ABCC5: variants seen among roughly 807,000 people sequenced by gnomAD.
ABCC5 encodes ATP binding cassette subfamily C member 5, also known as ATP-binding cassette sub-family C member 5.
ABCC5 carries 61 observed loss-of-function variants against 160.9 expected under a neutral mutation model. The ratio of observed to expected loss-of-function variants is 0.38; its 90% confidence interval spans 0.31 to 0.47. ABCC5 has a LOEUF of 0.47. Among genes scored for constraint, ABCC5 ranks in the 20% least tolerant of loss-of-function variants. The probability of loss-of-function intolerance (pLI) is 0.99; values close to 1 mark genes in which losing one functional copy is unlikely to be tolerated. For missense variants in ABCC5, 1,308 were observed against 1,813.3 expected, an observed-to-expected ratio of 0.72 and a Z score of 5.06; for synonymous variants, 666 against 700.6, an observed-to-expected ratio of 0.95 and a Z score of 0.78.
Position 183,925,564 on chromosome 3 carries a change from G to C in ABCC5, c.4203C>G (p.Ala1401=). The change falls in exon 29 of 30, where the codon GCC becomes GCG. Residue 1401 remains alanine, a synonymous_variant. Transcript: ENST00000334444. ...VLGSDRIMVL[A]QGQVVEFDTP... ...CTGAAGGACTCGGTACCTGTCCCTG[G>C]GCCAGCACCATAATCCTATCGGAGC... 1 of 1,613,646 alleles carries C rather than the reference G, an allele frequency of 6.2e-7. No homozygotes were observed. The highest frequency in any genetic ancestry group is 1.1e-5 in the South Asian group (1 of 91,042).
intron 25 of ABCC5, 91 bp from the exon 26 acceptor site, chr3:183,938,151 T>C (rs1713928919): frequency 7.7e-7 from 1 of 1,296,286 alleles, no homozygotes; most frequent in South Asian, 1.4e-5. Context: ...CCAACTATTT[T>C]TCCATTTCTA....
intron 12 of ABCC5, among the ~76,000 whole-genome samples, chr3:183,966,070 G>A (rs893012402): frequency 3.3e-5 from 5 of 152,186 alleles, no homozygotes; most frequent in African/African-American, 1.2e-4. Flanking sequence ...GTGTTCAGTT[G>A]CAATGGTTTG....
chr3:183,978,096 T>G (rs899188077), intron 9 of ABCC5, among the ~76,000 whole-genome samples: 5 of 152,148 alleles, frequency 3.3e-5, no homozygotes, highest in African/African-American at 1.2e-4. Context: ...CAATTAAAAT[T>G]GTCAGTAAAT....
At chr3:183,971,404 G>A (rs1393403535) in intron 11 of ABCC5, among the ~76,000 whole-genome samples, 159 bp downstream of exon 11, 1 of 151,242 alleles carries the variant, frequency 6.6e-6, no homozygotes, top group Admixed American at 6.6e-5. Context: ...TGCTTAGTTG[G>A]TTTTTTTTTA....
chr3:184,000,503 T>C (rs1720661511), intron 2 of ABCC5, among the ~76,000 whole-genome samples: 1 of 152,158 alleles, frequency 6.6e-6, no homozygotes, highest in Non-Finnish European at 1.5e-5. Flanking sequence ...CCAGGCACTG[T>C]TCTAGATACA....
At chr3:183,962,082 G>A (rs1716799142) in intron 15 of ABCC5, among the ~76,000 whole-genome samples, 1 of 152,118 alleles carries the variant, frequency 6.6e-6, no homozygotes, top group Admixed American at 6.6e-5. Flanking sequence ...CAACTCGGGG[G>A]AGAGGTACAC....
rs1214330562 is a variant in ABCC5, at chr3:183,961,611, C to A, written c.2279G>T (p.Cys760Phe). 2 of 1,614,144 alleles carry A rather than the reference C, an allele frequency of 1.2e-6. No individual in the cohort carries two copies. The highest frequency in any genetic ancestry group is 1.7e-6 in the Non-Finnish European group (2 of 1,180,060). The change falls in exon 16 of 30, where the codon TGT becomes TTT. Residue 760 changes from cysteine (C) to phenylalanine (F), a missense_variant. Transcript: ENST00000334444. ...CDEVIFMKEGCITERGTHEEL... is the reference protein window; with the variant it reads ...CDEVIFMKEGFITERGTHEEL... ...CTCATGGGTGCCTCTTTCCGTAATA[C>A]AGCCCTCTTTCATGAAGATCACTTC...
In ABCC5 at chr3:183,982,104, C is replaced by A. The variant is rs1718798607; in HGVS notation, c.1000-230G>T. ...CAATGAAGACAAGAAAGTATTTATTCTCAATAGTGACCACAGAGACTGAGT... is the reference window on the plus strand; with the variant it reads ...CAATGAAGACAAGAAAGTATTTATTATCAATAGTGACCACAGAGACTGAGT... On this transcript the variant is annotated intron_variant, in intron 7 of 29. Coordinates refer to ENST00000334444, the MANE Select transcript of ABCC5 (RefSeq NM_005688.4). This position sits in a 1 kb window ranked among gnomAD's most constrained non-coding sequence, Gnocchi z 5.2. Among the ~76,000 whole-genome samples, 1 of 152,140 alleles carries A rather than the reference C, an allele frequency of 6.6e-6. No homozygotes were observed. Among genetic ancestry groups the A allele is most frequent in the Admixed American group, 6.5e-5 (1 of 15,278 alleles).
intron 26 of ABCC5, among the ~76,000 whole-genome samples, chr3:183,933,558 T>G (rs1425134200): frequency 6.6e-6 from 1 of 152,054 alleles, no homozygotes; most frequent in Non-Finnish European, 1.5e-5. Context: ...CCTCTCTTCT[T>G]GGAGGCAATC....
intron 17 of ABCC5, among the ~76,000 whole-genome samples, chr3:183,956,408 G>A (rs1255071937): frequency 6.6e-5 from 10 of 151,260 alleles, no homozygotes; most frequent in Non-Finnish European, 1.0e-4. Flanking sequence ...ATGCAGATCC[G>A]TGTGTATATC....
Position 183,987,669 on chromosome 3 carries a change from C to T in ABCC5, c.591+101G>A, listed in dbSNP as rs1432322003. On this transcript the variant is annotated intron_variant, in intron 5 of 29. Transcript: ENST00000334444. The surrounding 1 kb of genome is among the most constrained non-coding windows in gnomAD (Gnocchi z 4.2). Reference sequence around the variant, plus strand: ...CTGAAGGCATCTCTAAGACTGCTACCTAGCCCAAAGCTGAGCACAACCTCT... The same window carrying T: ...CTGAAGGCATCTCTAAGACTGCTACTTAGCCCAAAGCTGAGCACAACCTCT... 6.5e-7 allele frequency: 1 copy of T among 1,543,450 alleles called. No individual in the cohort carries two copies. The highest frequency in any genetic ancestry group is 1.4e-5 in the African/African-American group (1 of 73,296).
In ABCC5 at chr3:183,921,399, C is replaced by G; in HGVS notation, c.4215G>C (p.Val1405=). ...DRIMVLAQGQ[V]VEFDTPSVLL... ...GGACCGATGGGGTGTCAAACTCCAC[C>G]ACCTGCAAAAGAAGGAGACGCCGTC... is the stretch of plus-strand genomic sequence containing the variant. The change falls in exon 30 of 30, where the codon GTG becomes GTC. Residue 1405 remains valine, a splice_region_variant and synonymous_variant. Coordinates refer to ENST00000334444, the MANE Select transcript of ABCC5 (RefSeq NM_005688.4). The surrounding 1 kb of genome is among the most constrained non-coding windows in gnomAD (Gnocchi z 4.1). The G allele has an allele frequency of 6.2e-7, 1 of 1,612,228 alleles. No individual in the cohort carries two copies. Among genetic ancestry groups the G allele is most frequent in the Non-Finnish European group, 8.5e-7 (1 of 1,179,272 alleles).
chr3:183,989,815 GT>G (rs922783751), intron 2 of ABCC5, among the ~76,000 whole-genome samples: 13 of 151,808 alleles, frequency 8.6e-5, no homozygotes, highest in African/African-American at 3.1e-4. Context: ...GTTTTTTTGG[GT>G]TTTTTTGAGA....
intron 25 of ABCC5, among the ~76,000 whole-genome samples, chr3:183,940,796 AG>A (rs1714261871): frequency 6.6e-6 from 1 of 152,128 alleles, no homozygotes; most frequent in South Asian, 2.1e-4. Context: ...AGAGTTTCCA[AG>A]TTACCCGTGA....
chr3:183,972,623 G>A, intron 10 of ABCC5, among the ~76,000 whole-genome samples: 1 of 152,096 alleles, frequency 6.6e-6, no homozygotes. Context: ...CATTCCCAGA[G>A]ACCCCTGAGT....
Position 183,988,850 on chromosome 3 carries a change from A to T in ABCC5, c.288-123T>A. The T allele has an allele frequency of 8.7e-7, 1 of 1,151,306 alleles. No homozygotes were observed. Among genetic ancestry groups the T allele is most frequent in the Middle Eastern group, 2.1e-4 (1 of 4,778 alleles). 71.3% of individuals were successfully genotyped at this position (1,151,306 alleles called of 1,614,324 possible). ...AAGACCAGTCTCCCCAGATGATCTAATCTTAGCCTGAATGTTCTAAAACGG... is the reference window on the plus strand; with the variant it reads ...AAGACCAGTCTCCCCAGATGATCTATTCTTAGCCTGAATGTTCTAAAACGG... On this transcript the variant is annotated intron_variant, in intron 3 of 29. Coordinates refer to ENST00000334444, the MANE Select transcript of ABCC5 (RefSeq NM_005688.4). This position sits in a 1 kb window ranked among gnomAD's most constrained non-coding sequence, Gnocchi z 4.4.
rs528472391 is a variant in ABCC5, at chr3:184,014,151, G to A, written c.129+113C>T. ...GCCTCCCAAAGTGCTGGGTTTATAG[G>A]CGTGAGCCACCGCGCCCGGCCAAAA... On this transcript the variant is annotated intron_variant, in intron 2 of 29. Coordinates refer to ENST00000334444, the MANE Select transcript of ABCC5 (RefSeq NM_005688.4). The A allele has an allele frequency of 1.7e-5, 16 of 929,154 alleles. No homozygotes were observed. In the South Asian group the frequency reaches 2.5e-4, roughly 15 times the overall value. 57.6% of individuals were successfully genotyped at this position (929,154 alleles called of 1,614,324 possible).
intron 25 of ABCC5, among the ~76,000 whole-genome samples, chr3:183,940,804 G>A (rs1241058131): frequency 2.0e-5 from 3 of 152,174 alleles, no homozygotes; most frequent in East Asian, 1.9e-4. Flanking sequence ...CAAGTTACCC[G>A]TGAAACTTGG....
At chr3:183,937,766 TG>T in intron 26 of ABCC5, 134 bp downstream of exon 26, 1 of 956,950 alleles carries the variant, frequency 1.0e-6, no homozygotes, top group Non-Finnish European at 1.6e-6. Context: ...AGCAAGCACA[TG>T]GTGCAGTGGG....
Sources: gnomAD v4.1 joint callset for allele counts (sites outside exome capture counted in the v4.1 genomes callset) on GRCh38, gnomAD v4.1.1 for gene constraint, Gnocchi (gnomAD v3.1) non-coding constraint, MANE v1.5 for transcripts, NCBI Gene and HGNC (gene_info 2026-07-23, HGNC 2026-07-21) for gene names.